Variants in PSD3 observed in about 807,000 individuals in gnomAD.
PSD3 encodes the protein PH and SEC7 domain-containing protein 3.
In PSD3, 49 loss-of-function variants were observed where a neutral mutation model predicts 105.5. The ratio of observed to expected loss-of-function variants is 0.46; its 90% CI spans 0.37 to 0.59. PSD3 has a LOEUF of 0.59. Ranked by LOEUF, PSD3 falls within the 20% of genes least tolerant of loss-of-function variation. The pLI, the probability that PSD3 is intolerant of heterozygous loss-of-function variation, is 0.00. For missense variants in PSD3, 1,561 were observed against 1,263.8 expected (o/e 1.24, Z -3.57); for synonymous variants, 557 against 457.8 (o/e 1.22, Z -2.77).
At chr8:18,965,348 A>G (rs1412318197) in intron 1 of PSD3, among the ~76,000 whole-genome samples, 1 of 152,166 alleles carries the variant, frequency 6.6e-6, no homozygotes. Flanking sequence ...AAGTTCCTCC[A>G]GCTGAAATCA....
At chr8:18,559,461 T>C (rs557994881) in intron 14 of PSD3, among the ~76,000 whole-genome samples, 3 of 152,290 alleles carry the variant, frequency 2.0e-5, no homozygotes, top group African/African-American at 7.2e-5. Flanking sequence ...TTTTAAAAAA[T>C]AGATTTGTAT....
At chr8:18,805,616 C>G (rs1220754173) in intron 4 of PSD3, among the ~76,000 whole-genome samples, 1 of 152,132 alleles carries the variant, frequency 6.6e-6, no homozygotes, top group African/African-American at 2.4e-5. Flanking sequence ...ATATTAAAAT[C>G]TATCTTATAC....
At chr8:18,951,010 C>G (rs540019624) in intron 1 of PSD3, among the ~76,000 whole-genome samples, 7 of 152,254 alleles carry the variant, frequency 4.6e-5, no homozygotes, top group African/African-American at 9.6e-5. Context: ...AGCTGCAGAA[C>G]CTGCATTTTG....
intron 13 of PSD3, among the ~76,000 whole-genome samples, chr8:18,573,178 CAT>C (rs1302926533): frequency 2.0e-5 from 3 of 152,114 alleles, no homozygotes; most frequent in East Asian, 3.9e-4. Context: ...GAAATAAAAA[CAT>C]ATAGATATGC....
At chr8:18,610,274 C>T (rs1243995127) in intron 11 of PSD3, among the ~76,000 whole-genome samples, 1 of 152,138 alleles carries the variant, frequency 6.6e-6, no homozygotes, top group Non-Finnish European at 1.5e-5. Context: ...AATAGGTAGA[C>T]AAGATTGAAA....
intron 9 of PSD3, among the ~76,000 whole-genome samples, chr8:18,714,672 G>A (rs7846388): frequency 0.15 from 23,111 of 152,140 alleles, 3,105 homozygotes; most frequent in East Asian, 0.4. Context: ...ACGCTTTTAC[G>A]CTGCTGGTAG....
chr8:18,554,143 C>T lies in PSD3; in HGVS notation c.2928+2066G>A, dbSNP rs559788467. On this transcript the variant is annotated intron_variant, in intron 15 of 15. Coordinates refer to ENST00000327040, the MANE Select transcript of PSD3 (RefSeq NM_015310.4). Reference sequence around the variant, plus strand: ...TTTCCATGGCCTTGCAGCCACCCCCCACCTCCTGGGGACAGGCTCTTCCAC... The same window carrying T: ...TTTCCATGGCCTTGCAGCCACCCCCTACCTCCTGGGGACAGGCTCTTCCAC... Among the ~76,000 whole-genome samples, 21 of 152,316 alleles carry T rather than the reference C, an allele frequency of 1.4e-4. No individual in the cohort carries two copies. In the South Asian group the frequency reaches 3.7e-3, roughly 27 times the overall value.
At chr8:18,733,111 G>T (rs1046647694) in intron 9 of PSD3, 5 of 152,126 alleles carry the variant, frequency 3.3e-5, no homozygotes, top group African/African-American at 1.2e-4. Flanking sequence ...ACAAATGAAG[G>T]AGAACCTAGA....
At chr8:19,031,785 C>G (rs992178375) in intron 1 of PSD3, among the ~76,000 whole-genome samples, 1 of 152,076 alleles carries the variant, frequency 6.6e-6, no homozygotes, top group Non-Finnish European at 1.5e-5. Flanking sequence ...AATAAACCCA[C>G]GAGCAAAACA....
chr8:19,023,411 A>ATTTC (rs1827428187), intron 1 of PSD3, among the ~76,000 whole-genome samples: 1 of 118,318 alleles, frequency 8.5e-6, no homozygotes, highest in Admixed American at 7.9e-5. Flanking sequence ...TTATTTATTT[A>ATTTC]TTTATTTATT....
At chr8:18,674,472 G>C (rs1799961738) in intron 9 of PSD3, among the ~76,000 whole-genome samples, 2 of 152,148 alleles carry the variant, frequency 1.3e-5, no homozygotes, top group South Asian at 4.1e-4. Flanking sequence ...GAAGGTCTAC[G>C]AATCCTACTG....
intron 1 of PSD3, among the ~76,000 whole-genome samples, chr8:18,981,854 T>G (rs1366867137): frequency 2.6e-5 from 4 of 152,212 alleles, no homozygotes; most frequent in Non-Finnish European, 5.9e-5. Context: ...ATGGAAGGTC[T>G]TTCCTCATTA....
intron 8 of PSD3, among the ~76,000 whole-genome samples, chr8:18,782,821 C>T (rs1213245444): frequency 6.6e-6 from 1 of 152,198 alleles, no homozygotes; most frequent in Admixed American, 6.5e-5. Flanking sequence ...TAGTGGCCAT[C>T]ACCGAGCATC....
chr8:18,567,038 A>C (rs1473623248), intron 14 of PSD3, among the ~76,000 whole-genome samples: 2 of 152,204 alleles, frequency 1.3e-5, no homozygotes, highest in Non-Finnish European at 2.9e-5. Context: ...AGTATAAAGT[A>C]AACAGAACTG....
intron 1 of PSD3, among the ~76,000 whole-genome samples, chr8:18,988,085 G>A (rs973682624): frequency 6.7e-6 from 1 of 149,510 alleles, no homozygotes; most frequent in African/African-American, 2.4e-5. Flanking sequence ...AAGCACCAAT[G>A]AATGTTAGAA....
At chr8:18,649,254 G>A (rs77871099) in intron 10 of PSD3, among the ~76,000 whole-genome samples, 3,960 of 152,314 alleles carry the variant, frequency 0.026, 47 homozygotes, top group Non-Finnish European at 0.039. Context: ...CTCTGGAAAA[G>A]CCACAGGGGC....
intron 8 of PSD3, among the ~76,000 whole-genome samples, chr8:18,794,467 G>A (rs1810019210): frequency 6.9e-4 from 1 of 1,442 alleles, no homozygotes; most frequent in East Asian, 2.5e-3. Context: ...CCTGGGCAAT[G>A]GAATGTCTCG....
intron 1 of PSD3, among the ~76,000 whole-genome samples, chr8:18,983,253 T>G (rs1825332687): frequency 6.6e-6 from 1 of 152,250 alleles, no homozygotes. Context: ...AATTAGGTTT[T>G]GTTTTACGTG....
chr8:18,786,502 C>A (rs1174039935), intron 8 of PSD3, among the ~76,000 whole-genome samples: 1 of 152,190 alleles, frequency 6.6e-6, no homozygotes, highest in African/African-American at 2.4e-5. Flanking sequence ...CCAATTTCAA[C>A]AGTGACCATA....
Sources: allele counts gnomAD v4.1 joint callset (sites outside exome capture counted in the v4.1 genomes callset), GRCh38; gene constraint gnomAD v4.1.1; transcripts MANE v1.5; gene names NCBI Gene and HGNC (gene_info 2026-07-23, HGNC 2026-07-21).